The following VPS13B variants were observed in gnomAD, a reference collection of about 807,000 sequenced individuals.
VPS13B encodes intermembrane lipid transfer protein VPS13B.
VPS13B carries 285 observed loss-of-function variants against 426.4 expected under a neutral mutation model. The observed-to-expected ratio is 0.67, with a 90% confidence interval of 0.61 to 0.74. The LOEUF (loss-of-function observed/expected upper bound fraction) is 0.74. Ranked by LOEUF, VPS13B falls within the 30% of genes least tolerant of loss-of-function variation. The probability of loss-of-function intolerance (pLI) is 0.00; values close to 1 mark genes in which losing one functional copy is unlikely to be tolerated. For missense variants in VPS13B, 4,537 were observed against 4,782.6 expected (o/e 0.95, Z 1.51); for synonymous variants, 1,676 against 1,676.4 (o/e 1.00, Z 0.01).
At chr8:99,798,061 G>C (rs1812941838) in intron 43 of VPS13B, among the ~76,000 whole-genome samples, 1 of 152,070 alleles carries the variant, frequency 6.6e-6, no homozygotes, top group South Asian at 2.1e-4. Flanking sequence ...CTGACATTAA[G>C]ATAGCTAAAA....
chr8:99,307,710 C>T (rs1820718851), intron 19 of VPS13B, among the ~76,000 whole-genome samples: 1 of 151,840 alleles, frequency 6.6e-6, no homozygotes, highest in African/African-American at 2.4e-5. Context: ...TGTTAAAAAC[C>T]TTTTCCTTTT....
At chr8:99,124,786 G>A (rs1156351663) in intron 8 of VPS13B, among the ~76,000 whole-genome samples, 1 of 149,020 alleles carries the variant, frequency 6.7e-6, no homozygotes, top group Non-Finnish European at 1.5e-5. Flanking sequence ...GGAGGCTGAG[G>A]CAGGAGACTC....
chr8:99,705,604 C>T (rs1832467728), intron 36 of VPS13B, among the ~76,000 whole-genome samples: 1 of 152,068 alleles, frequency 6.6e-6, no homozygotes, highest in South Asian at 2.1e-4. Flanking sequence ...GCCGTGTTTA[C>T]ATAGTCATGT....
At position 99,698,872 on chromosome 8, in the gene VPS13B, G is replaced by T. The variant is rs1481103757; in HGVS notation, c.6047-653G>T. 2.6e-5 allele frequency among the ~76,000 whole-genome samples: 4 copies of T among 152,096 alleles called. No homozygotes were observed. The East Asian group carries it at 7.7e-4, about 29-fold the overall frequency. On this transcript the variant is annotated intron_variant, in intron 35 of 61. Transcript: ENST00000357162. The stretch of plus-strand genomic sequence containing the variant: ...TAAGAGACAAATAAGGACAACATGT[G>T]GTATATGGTACATATAAAATGGACT...
intron 8 of VPS13B, 114 bp downstream of exon 8, chr8:99,121,559 A>G: frequency 4.0e-6 from 6 of 1,511,936 alleles, no homozygotes; most frequent in Non-Finnish European, 5.3e-6. Context: ...GATGTGAGAT[A>G]GAGTCTAACA....
At chr8:99,839,028 G>C (rs1815538188) in intron 54 of VPS13B, among the ~76,000 whole-genome samples, 1 of 152,222 alleles carries the variant, frequency 6.6e-6, no homozygotes, top group Non-Finnish European at 1.5e-5. Context: ...TCCTATCAAG[G>C]ATTTTGGTTT....
intron 30 of VPS13B, among the ~76,000 whole-genome samples, chr8:99,552,443 A>G (rs991132852): frequency 6.6e-6 from 1 of 152,002 alleles, no homozygotes; most frequent in East Asian, 1.9e-4. Flanking sequence ...GTCTACCTGG[A>G]GCAAGACTGT....
At chr8:99,428,472 A>T (rs1816867178) in intron 21 of VPS13B, among the ~76,000 whole-genome samples, 1 of 152,248 alleles carries the variant, frequency 6.6e-6, no homozygotes, top group Non-Finnish European at 1.5e-5. Flanking sequence ...AAGTGGGCGA[A>T]GGATATGAGC....
chr8:99,120,506 C>A (rs779894184), intron 7 of VPS13B: 1 of 152,052 alleles, frequency 6.6e-6, no homozygotes, highest in Non-Finnish European at 1.5e-5. Context: ...CTTTGGTCTG[C>A]CAGTTTGTAA....
At chr8:99,727,506 G>A (rs1165286967) in intron 39 of VPS13B, among the ~76,000 whole-genome samples, 1 of 152,164 alleles carries the variant, frequency 6.6e-6, no homozygotes, top group East Asian at 1.9e-4. Flanking sequence ...TCAATATCAT[G>A]GCAGAAGACA....
At chr8:99,089,729 A>G (rs963632435) in intron 3 of VPS13B, among the ~76,000 whole-genome samples, 2 of 152,138 alleles carry the variant, frequency 1.3e-5, no homozygotes, top group African/African-American at 4.8e-5. Flanking sequence ...TCTTAATCAC[A>G]CTTAAAAAGG....
intron 15 of VPS13B, among the ~76,000 whole-genome samples, chr8:99,159,557 T>C (rs1410299749): frequency 6.6e-6 from 1 of 152,196 alleles, no homozygotes; most frequent in Non-Finnish European, 1.5e-5. Context: ...CCACCACTTT[T>C]AGCAACCACC....
At chr8:99,598,179 G>A (rs1055765140) in intron 33 of VPS13B, among the ~76,000 whole-genome samples, 1 of 151,974 alleles carries the variant, frequency 6.6e-6, no homozygotes, top group Middle Eastern at 3.2e-3. Context: ...ACTTAAACAG[G>A]TGTGCCTGAA....
chr8:99,272,938 A>G (rs2132989055), intron 17 of VPS13B, among the ~76,000 whole-genome samples: 1 of 152,300 alleles, frequency 6.6e-6, no homozygotes, highest in Middle Eastern at 3.4e-3. Flanking sequence ...ATTGACTCTC[A>G]AAGGAAATGT....
chr8:99,230,352 C>T (rs930241840), intron 17 of VPS13B, among the ~76,000 whole-genome samples: 1 of 152,130 alleles, frequency 6.6e-6, no homozygotes, highest in Admixed American at 6.5e-5. Context: ...CCTAGGTTTC[C>T]TGCATATAGC....
intron 16 of VPS13B, among the ~76,000 whole-genome samples, chr8:99,175,275 C>T (rs1812569156): frequency 1.3e-5 from 2 of 152,122 alleles, no homozygotes; most frequent in Admixed American, 1.3e-4. Context: ...ACAACATGGG[C>T]TTGAACTGTG....
At chr8:99,318,050 A>C (rs1809768745) in intron 19 of VPS13B, among the ~76,000 whole-genome samples, 1 of 152,208 alleles carries the variant, frequency 6.6e-6, no homozygotes, top group South Asian at 2.1e-4. Flanking sequence ...AAACTTTGAC[A>C]GTAGTTTTCA....
Position 99,642,184 on chromosome 8 carries a change from C to T in VPS13B, c.5594C>T (p.Ala1865Val). ...TCAGATGTTGCTAAGCCCAACCAGG[C>T]ATGTATTTCCACGGTGACAGCAGAA... is the stretch of plus-strand genomic sequence containing the variant. ...VDSDVAKPNQ[A>V]CISTVTAEDL... Residue 1865 changes from alanine to valine, a missense_variant, in exon 34 of 62, where the codon GCA becomes GTA. Coordinates refer to ENST00000357162, the MANE Select transcript of VPS13B (RefSeq NM_152564.5). The T allele has an allele frequency of 6.2e-7, 1 of 1,614,148 alleles. No homozygotes were observed. The highest frequency in any genetic ancestry group is 2.2e-5 in the East Asian group (1 of 44,884).
chr8:99,870,983 GC>G, intron 60 of VPS13B, 96 bp downstream of exon 60: 3 of 1,256,970 alleles, frequency 2.4e-6, no homozygotes, highest in Non-Finnish European at 1.1e-6. Context: ...CTTCCAGGGA[GC>G]CCAGGAGTAG....
Sources: gnomAD v4.1 joint callset for allele counts (sites outside exome capture counted in the v4.1 genomes callset) on GRCh38, gnomAD v4.1.1 for gene constraint, MANE v1.5 for transcripts, NCBI Gene and HGNC (gene_info 2026-07-23, HGNC 2026-07-21) for gene names.